Variants in SPTBN1 observed in about 807,000 individuals in gnomAD.
SPTBN1 encodes spectrin beta, non-erythrocytic 1.
SPTBN1 carries 32 observed loss-of-function variants against 266.4 expected under a neutral mutation model. The observed-to-expected ratio is 0.12, with a 90% confidence interval of 0.09 to 0.16. SPTBN1 has a LOEUF of 0.16. SPTBN1 is among the 10% of genes least tolerant of loss of function. The pLI, the probability that SPTBN1 is intolerant of heterozygous loss-of-function variation, is 1.00. For missense variants in SPTBN1, 2,296 were observed against 3,067.1 expected (o/e 0.75, Z 5.94); for synonymous variants, 1,336 against 1,162.2 (o/e 1.15, Z -3.04).
intron 1 of SPTBN1, among the ~76,000 whole-genome samples, chr2:54,497,895 C>T (rs956708808): frequency 9.2e-5 from 14 of 152,102 alleles, no homozygotes; most frequent in Non-Finnish European, 1.3e-4. Flanking sequence ...TGCAAGTGTG[C>T]GCCAGTAACC....
At chr2:54,477,400 C>CTT (rs34731938) in intron 1 of SPTBN1, among the ~76,000 whole-genome samples, 5 of 143,032 alleles carry the variant, frequency 3.5e-5, no homozygotes, top group African/African-American at 7.7e-5. Flanking sequence ...GTGGCATTAC[C>CTT]TTTTTTTTTT....
At chr2:54,575,875 T>C (rs1429823039) in intron 2 of SPTBN1, among the ~76,000 whole-genome samples, 1 of 152,124 alleles carries the variant, frequency 6.6e-6, no homozygotes, top group Non-Finnish European at 1.5e-5. Flanking sequence ...TAGGCAGTCA[T>C]GGGAACCTGG....
At chr2:54,615,928 A>G (rs570451192) in intron 4 of SPTBN1, among the ~76,000 whole-genome samples, 4 of 152,284 alleles carry the variant, frequency 2.6e-5, no homozygotes, top group African/African-American at 9.6e-5. Flanking sequence ...CTAGATTCTC[A>G]CTGGAAAGAT....
chr2:54,647,755 A>G (rs1048790744), intron 24 of SPTBN1, among the ~76,000 whole-genome samples: 20 of 152,094 alleles, frequency 1.3e-4, no homozygotes, highest in African/African-American at 4.6e-4. Context: ...GGTTGGGAGG[A>G]TGGTTTGAGT....
chr2:54,568,739 G>C (rs1402235101), intron 2 of SPTBN1, among the ~76,000 whole-genome samples: 4 of 152,180 alleles, frequency 2.6e-5, no homozygotes, highest in African/African-American at 4.8e-5. Context: ...AATACCCTGG[G>C]TCAGTTTCTC....
rs556277064 is a variant in SPTBN1, at chr2:54,647,205, C to T, written c.4941C>T (p.Thr1647=). 2.8e-4 allele frequency: 455 copies of T among 1,614,070 alleles called. 7 individuals are homozygous for T. The South Asian group carries it at 3.9e-3, about 14-fold the overall frequency. ...LEQAVEDYAE[T]VHQLSKTSRA... is the part of the protein sequence containing the mutation. ...AAGCTGTGGAGGACTATGCAGAGAC[C>T]GTGCATCAGCTCTCCAAGACCAGCC... The change falls in exon 24 of 36, where the codon ACC becomes ACT. Residue 1647 remains threonine (T), a synonymous_variant. Coordinates refer to ENST00000356805, the MANE Select transcript of SPTBN1 (RefSeq NM_003128.3).
At position 54,626,055 on chromosome 2, in the gene SPTBN1, G is replaced by A. The variant is rs1467998194; in HGVS notation, c.1465G>A (p.Glu489Lys). The change falls in exon 12 of 36, where the codon GAG (glutamate) becomes AAG (lysine). Residue 489 changes from glutamate (E) to lysine (K), a missense_variant. Transcript: ENST00000356805. This position sits in a 1 kb window ranked among gnomAD's most constrained non-coding sequence, Gnocchi z 4.7. ...QAVVAVARELEAENYHDIKRI... is the reference protein window; with the variant it reads ...QAVVAVARELKAENYHDIKRI... Reference sequence around the variant, plus strand: ...TGTGGTAGCCGTGGCCAGGGAGCTCGAGGCCGAGAATTACCACGACATCAA... The same window carrying A: ...TGTGGTAGCCGTGGCCAGGGAGCTCAAGGCCGAGAATTACCACGACATCAA... 3.1e-6 allele frequency: 5 copies of A among 1,614,176 alleles called. No homozygotes were observed. Among genetic ancestry groups the A allele is most frequent in the African/African-American group, 1.3e-5 (1 of 75,028 alleles).
chr2:54,465,169 G>A lies in SPTBN1; in HGVS notation c.-48+8651G>A, dbSNP rs907184942. On this transcript the variant is annotated intron_variant, in intron 1 of 35. Coordinates refer to ENST00000356805, the MANE Select transcript of SPTBN1 (RefSeq NM_003128.3). ...AGTTTTCTAAGAGCAATGATACAGT[G>A]TGTAAGTTAGCATCTTAAGGGTATA... Among the ~76,000 whole-genome samples the A allele has an allele frequency of 2.0e-5, 3 of 152,198 alleles. No homozygotes were observed. The East Asian group carries it at 5.8e-4, about 29-fold the overall frequency.
rs1679826515 is a variant in SPTBN1 at position 54,645,031 on chromosome 2, G to A, written c.4270-198G>A. ...ATTATATCACCGTAGAGGGCTTTAA[G>A]GGCAAATGAATTTACCTCAGATTTA... is the stretch of plus-strand genomic sequence containing the variant. On this transcript the variant is annotated intron_variant, in intron 20 of 35. Transcript: ENST00000356805. This position sits in a 1 kb window ranked among gnomAD's most constrained non-coding sequence, Gnocchi z 4.3. 3 of 602,828 alleles carry A rather than the reference G, an allele frequency of 5.0e-6. No homozygotes were observed. The South Asian group carries it at 6.0e-5, about 12-fold the overall frequency. 37.3% of individuals were successfully genotyped at this position (602,828 alleles called of 1,614,324 possible). A position where few individuals can be genotyped will look rare whatever the true frequency, so the allele number is the denominator to read the frequency against.
intron 2 of SPTBN1, among the ~76,000 whole-genome samples, chr2:54,559,614 T>C (rs1419823033): frequency 6.6e-6 from 1 of 152,182 alleles, no homozygotes; most frequent in African/African-American, 2.4e-5. Flanking sequence ...AGTGTGCTGT[T>C]TTCCCTGCGG....
At chr2:54,654,088 C>A (rs1680490976) in intron 27 of SPTBN1, among the ~76,000 whole-genome samples, 1 of 152,160 alleles carries the variant, frequency 6.6e-6, no homozygotes, top group East Asian at 1.9e-4. Context: ...TCCCATTCTC[C>A]CTACTCCTGG....
chr2:54,579,687 C>T (rs538659039), intron 2 of SPTBN1, among the ~76,000 whole-genome samples: 9 of 152,310 alleles, frequency 5.9e-5, no homozygotes, highest in South Asian at 2.1e-4. Flanking sequence ...CCCGAGAACT[C>T]CTGTTGACCT....
Position 54,599,246 on chromosome 2 carries a change from G to A in SPTBN1, c.300+3G>A, listed in dbSNP as rs1299329616. 1.2e-6 allele frequency: 2 copies of A among 1,614,144 alleles called. No individual in the cohort carries two copies. The highest frequency in any genetic ancestry group is 1.7e-6 in the Non-Finnish European group (2 of 1,180,010). On this transcript the variant is annotated splice_donor_region_variant and intron_variant, in intron 3 of 35. Transcript: ENST00000356805. ...AGGTCCTCTCTGGAGAGAGGCTGGT[G>A]AGTGGAGACCTTAGGAAGTGCCGTG...
chr2:54,667,542 G>C, intron 34 of SPTBN1, 62 bp from the exon 35 acceptor site: 1 of 1,513,020 alleles, frequency 6.6e-7, no homozygotes, highest in Non-Finnish European at 9.2e-7. Context: ...GGATATGGGA[G>C]TTGGGGGATT....
At chr2:54,594,575 G>A (rs971752477) in intron 2 of SPTBN1, among the ~76,000 whole-genome samples, 3 of 152,122 alleles carry the variant, frequency 2.0e-5, no homozygotes, top group Non-Finnish European at 1.5e-5. Flanking sequence ...ACGGAAGGAC[G>A]ACTGTGCCTG....
rs1681645090 is a variant in SPTBN1, at chr2:54,670,293, C to T, written c.*1724C>T. ...TCAGCATAGAGTCGTGGGTTATTTA[C>T]AAGTGACATACTTTTCCTGGGTTAT... On this transcript the variant is annotated 3_prime_UTR_variant, in exon 36 of 36. Transcript: ENST00000356805. 1 of 153,266 alleles carries T rather than the reference C, an allele frequency of 6.5e-6. No individual in the cohort carries two copies. The highest frequency in any genetic ancestry group is 6.6e-5 in the Admixed American group (1 of 15,246). 9.5% of individuals were successfully genotyped at this position (153,266 alleles called of 1,614,324 possible).
chr2:54,653,269 G>A lies in SPTBN1; in HGVS notation c.5578-340G>A. 1 of 203,200 alleles carries A rather than the reference G, an allele frequency of 4.9e-6. No individual in the cohort carries two copies. Among genetic ancestry groups the A allele is most frequent in the Non-Finnish European group, 9.8e-6 (1 of 102,204 alleles). The allele number at this position is 203,200 out of a possible 1,614,324, so 12.6% of individuals were successfully genotyped here. On this transcript the variant is annotated intron_variant, in intron 26 of 35. Transcript: ENST00000356805. The surrounding 1 kb of genome is among the most constrained non-coding windows in gnomAD (Gnocchi z 5.1). ...ATCTTTACCCCGAGATAGCAGATTAGGTATTTATTTTTTGGACTGTATCTG... is the reference window on the plus strand; with the variant it reads ...ATCTTTACCCCGAGATAGCAGATTAAGTATTTATTTTTTGGACTGTATCTG...
chr2:54,487,170 CTTTTTTTTTTT>C lies in SPTBN1; in HGVS notation c.-48+30662_-48+30672del, dbSNP rs34779689. On this transcript the variant is annotated intron_variant, in intron 1 of 35. Coordinates refer to ENST00000356805, the MANE Select transcript of SPTBN1 (RefSeq NM_003128.3). ...TTTTCTGATTTCCTCATTAGGATTT[CTTTTTTTTTTT>C]TTTTTTTTTGCTGCTTTTTAACTTT... 3.2e-4 allele frequency among the ~76,000 whole-genome samples: 32 copies of C among 98,572 alleles called. 1 individual carries two copies. The highest frequency in any genetic ancestry group is 6.4e-4 in the Admixed American group (6 of 9,346). 64.7% of individuals were successfully genotyped at this position (98,572 alleles called of 152,430 possible).
chr2:54,558,941 G>T lies in SPTBN1; in HGVS notation c.148+32375G>T. The T allele has an allele frequency of 6.3e-7, 1 of 1,585,200 alleles. No individual in the cohort carries two copies. Among genetic ancestry groups the T allele is most frequent in the Non-Finnish European group, 8.6e-7 (1 of 1,163,170 alleles). On this transcript the variant is annotated intron_variant, in intron 2 of 35. Coordinates refer to ENST00000356805, the MANE Select transcript of SPTBN1 (RefSeq NM_003128.3). The surrounding 1 kb of genome is among the most constrained non-coding windows in gnomAD (Gnocchi z 4.6). ...TCCTGGGTGCCAACGGGGGTTCTTG[G>T]AGGCTTTATTTGTGACCCTAATGAA...
Sources: allele counts gnomAD v4.1 joint callset (sites outside exome capture counted in the v4.1 genomes callset), GRCh38; gene constraint gnomAD v4.1.1; non-coding constraint Gnocchi (gnomAD v3.1); transcripts MANE v1.5; gene names NCBI Gene and HGNC (gene_info 2026-07-23, HGNC 2026-07-21).